The following CACNG3 variants were observed in gnomAD, a reference collection of about 807,000 sequenced individuals.
CACNG3 encodes the protein voltage-dependent calcium channel gamma-3 subunit.
CACNG3 carries 3 observed loss-of-function variants against 28.5 expected under a neutral mutation model. The observed-to-expected ratio is 0.11, with a 90% confidence interval of 0.05 to 0.27. CACNG3 has a LOEUF of 0.27. Ranked by LOEUF, CACNG3 falls within the 10% of genes least tolerant of loss-of-function variation. The pLI, the probability that CACNG3 is intolerant of heterozygous loss-of-function variation, is 1.00. For missense variants in CACNG3, 236 were observed against 414.4 expected (o/e 0.57, Z 3.74); for synonymous variants, 174 against 162.2 (o/e 1.07, Z -0.55).
intron 1 of CACNG3, among the ~76,000 whole-genome samples, chr16:24,286,276 AC>A (rs1465720460): frequency 6.6e-6 from 1 of 152,108 alleles, no homozygotes; most frequent in African/African-American, 2.4e-5. Context: ...TGGCTAGATT[AC>A]CAAAAGCAAT....
chr16:24,257,425 G>T (rs563676860), intron 1 of CACNG3, among the ~76,000 whole-genome samples: 40 of 120,132 alleles, frequency 3.3e-4, no homozygotes, highest in Non-Finnish European at 6.3e-4. Context: ...GAGAGAGAGA[G>T]AGATCCTGAC....
At chr16:24,345,335 T>C (rs564079140) in intron 1 of CACNG3, among the ~76,000 whole-genome samples, 96 of 152,288 alleles carry the variant, frequency 6.3e-4, no homozygotes, top group Non-Finnish European at 9.3e-4. Flanking sequence ...TTAAAAGAAC[T>C]GGCAGAGCTA....
chr16:24,324,567 T>A (rs1899512230), intron 1 of CACNG3, among the ~76,000 whole-genome samples: 1 of 152,114 alleles, frequency 6.6e-6, no homozygotes. Context: ...CAAATCACCA[T>A]TGCCCCCACC....
chr16:24,332,584 G>A (rs890843427), intron 1 of CACNG3, among the ~76,000 whole-genome samples: 8 of 152,064 alleles, frequency 5.3e-5, no homozygotes, highest in African/African-American at 1.7e-4. Flanking sequence ...TATTAGAAGC[G>A]GTAATTTGTA....
chr16:24,259,515 G>C (rs371113757), intron 1 of CACNG3, among the ~76,000 whole-genome samples: 20 of 152,104 alleles, frequency 1.3e-4, no homozygotes, highest in African/African-American at 4.8e-4. Context: ...ATGAAAACTG[G>C]GGGTTTTCGT....
intron 1 of CACNG3, among the ~76,000 whole-genome samples, chr16:24,291,980 T>G (rs1898974344): frequency 6.6e-6 from 1 of 151,924 alleles, no homozygotes; most frequent in Non-Finnish European, 1.5e-5. Flanking sequence ...AGCAACTTTG[T>G]TTTAGGATGA....
chr16:24,274,997 C>T (rs1898735219), intron 1 of CACNG3, among the ~76,000 whole-genome samples: 1 of 152,078 alleles, frequency 6.6e-6, no homozygotes, highest in East Asian at 1.9e-4. Flanking sequence ...TCTATTAATT[C>T]CTAGGATAAG....
At chr16:24,339,811 C>T (rs1899759862) in intron 1 of CACNG3, among the ~76,000 whole-genome samples, 1 of 152,138 alleles carries the variant, frequency 6.6e-6, no homozygotes, top group East Asian at 1.9e-4. Flanking sequence ...ATTTGTCAAA[C>T]CATAACAAAT....
chr16:24,350,143 G>C (rs1409869908), intron 2 of CACNG3, among the ~76,000 whole-genome samples: 1 of 152,166 alleles, frequency 6.6e-6, no homozygotes, highest in Non-Finnish European at 1.5e-5. Context: ...TGACTTAGCA[G>C]AATATTTCCT....
chr16:24,305,971 C>A (rs1353510793), intron 1 of CACNG3, among the ~76,000 whole-genome samples: 4 of 152,120 alleles, frequency 2.6e-5, no homozygotes, highest in African/African-American at 9.7e-5. Context: ...CTGTGCCTGG[C>A]CTGTATATAT....
At chr16:24,294,140 G>A (rs954562990) in intron 1 of CACNG3, among the ~76,000 whole-genome samples, 1 of 152,184 alleles carries the variant, frequency 6.6e-6, no homozygotes, top group Non-Finnish European at 1.5e-5. Context: ...GCAGAAGCAG[G>A]AAGAAAAATC....
chr16:24,266,298 G>A (rs1312997611), intron 1 of CACNG3, among the ~76,000 whole-genome samples: 1 of 152,230 alleles, frequency 6.6e-6, no homozygotes, highest in Non-Finnish European at 1.5e-5. Flanking sequence ...CTGGTGTTGG[G>A]AGTTTAGGTA....
intron 1 of CACNG3, among the ~76,000 whole-genome samples, chr16:24,314,127 T>C (rs1596639039): frequency 6.6e-6 from 1 of 152,310 alleles, no homozygotes; most frequent in East Asian, 1.9e-4. Context: ...GATCTAGCAG[T>C]TTTTCATGTG....
chr16:24,346,713 A>G (rs1033869132), intron 1 of CACNG3, 21 bp from the exon 2 acceptor site: 6 of 1,598,932 alleles, frequency 3.8e-6, no homozygotes, highest in Non-Finnish European at 5.1e-6. Flanking sequence ...CCAGGCTCAG[A>G]ACCCTTATCT....
At chr16:24,285,764 C>T (rs1452336238) in intron 1 of CACNG3, among the ~76,000 whole-genome samples, 10 of 151,320 alleles carry the variant, frequency 6.6e-5, no homozygotes, top group Admixed American at 2.6e-4. Context: ...ATCACACTGT[C>T]GATGTTAGCC....
At chr16:24,320,679 G>A (rs8045133) in intron 1 of CACNG3, among the ~76,000 whole-genome samples, 39,882 of 151,992 alleles carry the variant, frequency 0.26, 6,076 homozygotes, top group South Asian at 0.42. Context: ...ACTAAGTTTC[G>A]AAAATATTAA....
At chr16:24,301,576 C>A (rs1366124126) in intron 1 of CACNG3, among the ~76,000 whole-genome samples, 1 of 152,178 alleles carries the variant, frequency 6.6e-6, no homozygotes, top group Admixed American at 6.5e-5. Context: ...TTATACATTT[C>A]TCATTCTCTA....
intron 1 of CACNG3, among the ~76,000 whole-genome samples, chr16:24,293,856 C>G (rs1055092873): frequency 6.6e-6 from 1 of 152,126 alleles, no homozygotes; most frequent in Non-Finnish European, 1.5e-5. Context: ...TCCTCTCTTC[C>G]TCCAAGACCC....
chr16:24,342,198 G>A (rs954500926), intron 1 of CACNG3, among the ~76,000 whole-genome samples: 7 of 152,142 alleles, frequency 4.6e-5, no homozygotes, highest in African/African-American at 1.4e-4. Context: ...AACCCAGGAG[G>A]TGGAGGTTGC....
Sources: gnomAD v4.1 joint callset for allele counts (sites outside exome capture counted in the v4.1 genomes callset) on GRCh38, gnomAD v4.1.1 for gene constraint, MANE v1.5 for transcripts, NCBI Gene and HGNC (gene_info 2026-07-23, HGNC 2026-07-21) for gene names.